XKR9: variants seen among roughly 807,000 people sequenced by gnomAD.
The protein encoded by XKR9 is XK related 9, also known as XK-related protein 9.
In XKR9, 32 loss-of-function variants were observed where a neutral mutation model predicts 32.0. The ratio of observed to expected loss-of-function variants is 1.00; its 90% CI spans 0.76 to 1.34. The LOEUF (loss-of-function observed/expected upper bound fraction) is 1.34, where lower values mean the gene tolerates loss of function less well. Among genes scored for constraint, XKR9 ranks in the 40% most tolerant of loss-of-function variants. The pLI, the probability that XKR9 is intolerant of heterozygous loss-of-function variation, is 0.00. For synonymous variants in XKR9, 168 were observed against 143.4 expected, an observed-to-expected ratio of 1.17 and a Z score of -1.22; for missense variants, 546 against 429.7, an observed-to-expected ratio of 1.27 and a Z score of -2.39.
the XKR9 span, among the ~76,000 whole-genome samples, chr8:71,020,035 C>G: frequency 6.6e-5 from 10 of 152,286 alleles, no homozygotes; most frequent in Non-Finnish European, 1.2e-4. Flanking sequence ...AGGGCATTCA[C>G]TGAATGCCAA....
chr8:70,718,145 A>C (rs145970843), intron 4 of XKR9, among the ~76,000 whole-genome samples: 1 of 152,158 alleles, frequency 6.6e-6, no homozygotes, highest in African/African-American at 2.4e-5. Context: ...TGAGCCCTTC[A>C]ATTCTCCAGG....
chr8:70,730,533 A>C (rs2132236832), intron 4 of XKR9, among the ~76,000 whole-genome samples: 1 of 152,066 alleles, frequency 6.6e-6, no homozygotes, highest in Middle Eastern at 3.4e-3. Flanking sequence ...CTAAGGTTAT[A>C]AGTTAACCAT....
the XKR9 span, among the ~76,000 whole-genome samples, chr8:70,955,241 A>C: frequency 3.3e-5 from 5 of 152,294 alleles, no homozygotes; most frequent in African/African-American, 9.6e-5. Context: ...GCCCAGTGGG[A>C]TCCCCAGGTA....
At chr8:70,802,064 G>T in the XKR9 span, among the ~76,000 whole-genome samples, 17 of 151,374 alleles carry the variant, frequency 1.1e-4, 1 homozygote, top group African/African-American at 4.1e-4. Context: ...AGCCTCCCGA[G>T]TAGCTGGGAC....
intron 2 of XKR9, among the ~76,000 whole-genome samples, chr8:70,783,938 G>A (rs780778453): frequency 3.3e-5 from 5 of 151,990 alleles, no homozygotes; most frequent in Non-Finnish European, 5.9e-5. Context: ...CAATTTTCCC[G>A]ACACCATTTA....
the XKR9 span, among the ~76,000 whole-genome samples, chr8:70,888,074 A>C: frequency 6.6e-6 from 1 of 151,706 alleles, no homozygotes; most frequent in Non-Finnish European, 1.5e-5. Context: ...GAGAACATTC[A>C]AAATTCATTC....
At chr8:70,694,346 T>A (rs1805183923) in intron 3 of XKR9, among the ~76,000 whole-genome samples, 1 of 152,196 alleles carries the variant, frequency 6.6e-6, no homozygotes, top group Non-Finnish European at 1.5e-5. Flanking sequence ...AAGACTGGAA[T>A]GGCTAAGTTG....
the XKR9 span, among the ~76,000 whole-genome samples, chr8:70,900,797 C>T: frequency 6.6e-6 from 1 of 152,070 alleles, no homozygotes; most frequent in Non-Finnish European, 1.5e-5. Flanking sequence ...TCTCCTAATG[C>T]TATCCCTCCC....
intron 4 of XKR9, among the ~76,000 whole-genome samples, chr8:70,709,044 C>G (rs1805819145): frequency 6.6e-6 from 1 of 152,016 alleles, no homozygotes; most frequent in Non-Finnish European, 1.5e-5. Context: ...CACAAAAATC[C>G]TCAACAAAAT....
rs151050162 is a variant in XKR9 at position 70,758,915 on chromosome 8, C to T, written n.353-30424C>T. Among the ~76,000 whole-genome samples the T allele has an allele frequency of 2.8e-4, 42 of 152,298 alleles. No homozygotes were observed. The East Asian group carries it at 7.3e-3, about 27-fold the overall frequency. ...TGCCTGGTTGGTTTAGAGGCAGTCT[C>T]TAATGTGCTGGCCTGTGTTACTTGT... On this transcript the variant is annotated intron_variant and non_coding_transcript_variant, in intron 2 of 3. Transcript: ENST00000520273.
At chr8:70,880,470 C>T in the XKR9 span, among the ~76,000 whole-genome samples, 1 of 152,134 alleles carries the variant, frequency 6.6e-6, no homozygotes, top group African/African-American at 2.4e-5. Flanking sequence ...CATTCTTATA[C>T]ACCATTAACA....
At chr8:70,757,656 G>A (rs1807247546) in intron 2 of XKR9, among the ~76,000 whole-genome samples, 2 of 152,004 alleles carry the variant, frequency 1.3e-5, no homozygotes, top group South Asian at 4.1e-4. Flanking sequence ...CCGCAATCTC[G>A]GCTCACTGCA....
chr8:70,830,418 A>C, the XKR9 span, among the ~76,000 whole-genome samples: 2 of 118,016 alleles, frequency 1.7e-5, no homozygotes, highest in African/African-American at 6.5e-5. Flanking sequence ...TTGTCTTTAC[A>C]AAAAAAAAAA....
At chr8:70,785,627 A>G (rs940315683) in intron 2 of XKR9, among the ~76,000 whole-genome samples, 1 of 149,862 alleles carries the variant, frequency 6.7e-6, no homozygotes, top group Non-Finnish European at 1.5e-5. Flanking sequence ...TTCTTCTTTT[A>G]TAACATAGGA....
the XKR9 span, among the ~76,000 whole-genome samples, chr8:70,803,034 C>G: frequency 3.9e-5 from 6 of 152,184 alleles, no homozygotes; most frequent in Non-Finnish European, 8.8e-5. Context: ...CAATGATATC[C>G]TCAAATATGT....
At chr8:71,016,863 A>G in the XKR9 span, among the ~76,000 whole-genome samples, 1 of 151,930 alleles carries the variant, frequency 6.6e-6, no homozygotes, top group Admixed American at 6.6e-5. Context: ...TCATACAACC[A>G]TTGACCAGGA....
the XKR9 span, among the ~76,000 whole-genome samples, chr8:70,885,875 C>T: frequency 7.2e-5 from 11 of 151,928 alleles, no homozygotes; most frequent in Admixed American, 2.0e-4. Context: ...GGATTACAGG[C>T]GTGAGCCATT....
At chr8:70,748,430 G>A (rs1182809380) in intron 2 of XKR9, among the ~76,000 whole-genome samples, 1 of 152,258 alleles carries the variant, frequency 6.6e-6, no homozygotes, top group African/African-American at 2.4e-5. Context: ...CAAAGTTGTA[G>A]CCAAGCCTGG....
chr8:70,754,060 G>A (rs184471302), intron 2 of XKR9, among the ~76,000 whole-genome samples: 27,189 of 145,402 alleles, frequency 0.19, 4,758 homozygotes, highest in African/African-American at 0.42. Context: ...AAGCAACTTC[G>A]GCAAAGTCTC....
Sources: gnomAD v4.1 joint callset for allele counts (sites outside exome capture counted in the v4.1 genomes callset) on GRCh38, gnomAD v4.1.1 for gene constraint, MANE v1.5 for transcripts, NCBI Gene and HGNC (gene_info 2026-07-23, HGNC 2026-07-21) for gene names.